The following ZC3H12C variants were observed in gnomAD, a reference collection of about 807,000 sequenced individuals.
ZC3H12C encodes zinc finger CCCH-type containing 12C, also known as probable ribonuclease ZC3H12C.
ZC3H12C carries 20 observed loss-of-function variants against 76.3 expected under a neutral mutation model. The observed-to-expected ratio is 0.26, with a 90% CI of 0.18 to 0.38. ZC3H12C has a LOEUF of 0.38. Ranked by LOEUF, ZC3H12C falls within the 10% of genes least tolerant of loss-of-function variation. The pLI is 1.00. For missense variants in ZC3H12C, 874 were observed against 1,086.5 expected, an observed-to-expected ratio of 0.80 and a Z score of 2.75; for synonymous variants, 352 against 399.6, an observed-to-expected ratio of 0.88 and a Z score of 1.42.
intron 1 of ZC3H12C, among the ~76,000 whole-genome samples, chr11:110,094,649 G>C (rs1289425304): frequency 6.6e-6 from 1 of 152,106 alleles, no homozygotes; most frequent in African/African-American, 2.4e-5. Context: ...TTAAGTTTAG[G>C]GTTCTCTGTG....
intron 1 of ZC3H12C, among the ~76,000 whole-genome samples, chr11:110,103,427 GAT>G: frequency 6.6e-6 from 1 of 152,206 alleles, no homozygotes; most frequent in African/African-American, 2.4e-5. Flanking sequence ...TATTATGAAA[GAT>G]AATAGTAGCT....
Position 110,169,056 on chromosome 11 carries a change from G to A in ZC3H12C, c.*3319G>A, listed in dbSNP as rs1376559027. The A allele has an allele frequency of 6.6e-6, 1 of 152,108 alleles. No homozygotes were observed. The highest frequency in any genetic ancestry group is 2.4e-5 in the African/African-American group (1 of 41,432). 9.4% of individuals were successfully genotyped at this position (152,108 alleles called of 1,614,324 possible). A position where few individuals can be genotyped will look rare whatever the true frequency, so the allele number is the denominator to read the frequency against. On this transcript the variant is annotated 3_prime_UTR_variant, in exon 6 of 6. Coordinates refer to ENST00000278590, the MANE Select transcript of ZC3H12C (RefSeq NM_033390.2). ...CTTTGAGTTGTGAACGACCGAGTCTGGGGTCTGGACGGCCAATGATAAGAT... is the reference window on the plus strand; with the variant it reads ...CTTTGAGTTGTGAACGACCGAGTCTAGGGTCTGGACGGCCAATGATAAGAT...
At chr11:110,121,022 A>C (rs184969984) in intron 1 of ZC3H12C, among the ~76,000 whole-genome samples, 51 of 152,306 alleles carry the variant, frequency 3.3e-4, no homozygotes, top group African/African-American at 1.2e-3. Context: ...TACACATTAG[A>C]ATCACTTGGG....
chr11:110,140,027 C>A (rs953630077), intron 2 of ZC3H12C, among the ~76,000 whole-genome samples: 3 of 152,076 alleles, frequency 2.0e-5, no homozygotes, highest in Non-Finnish European at 4.4e-5. Context: ...TAAGGCCGGG[C>A]ACAGTGGCTC....
At chr11:110,143,713 G>A (rs554718189) in intron 2 of ZC3H12C, among the ~76,000 whole-genome samples, 3 of 151,968 alleles carry the variant, frequency 2.0e-5, no homozygotes, top group Non-Finnish European at 4.4e-5. Context: ...GTATAAAGAC[G>A]GGGTCTTGCT....
At chr11:110,156,596 A>T (rs190595987) in intron 3 of ZC3H12C, among the ~76,000 whole-genome samples, 1 of 152,366 alleles carries the variant, frequency 6.6e-6, no homozygotes, top group East Asian at 1.9e-4. Flanking sequence ...AGATGAGTAG[A>T]CATCCTCACA....
intron 2 of ZC3H12C, among the ~76,000 whole-genome samples, chr11:110,149,518 C>T (rs1380591595): frequency 2.0e-5 from 3 of 152,184 alleles, no homozygotes; most frequent in Admixed American, 2.0e-4. Context: ...TACACTCCCA[C>T]CTGTGATGTA....
At chr11:110,126,157 A>G (rs1047826155) in intron 1 of ZC3H12C, among the ~76,000 whole-genome samples, 7 of 151,986 alleles carry the variant, frequency 4.6e-5, no homozygotes, top group African/African-American at 1.7e-4. Context: ...ACAAAAAAAC[A>G]TGAGTTCTGA....
At chr11:110,104,120 G>T (rs1253472090) in intron 1 of ZC3H12C, among the ~76,000 whole-genome samples, 1 of 151,410 alleles carries the variant, frequency 6.6e-6, no homozygotes, top group African/African-American at 2.4e-5. Flanking sequence ...TGCAACATCT[G>T]CCTCCCGGGG....
At chr11:110,116,722 A>C (rs1861532704) in intron 1 of ZC3H12C, among the ~76,000 whole-genome samples, 2 of 152,212 alleles carry the variant, frequency 1.3e-5, no homozygotes, top group South Asian at 2.1e-4. Context: ...CACTGTTATA[A>C]GTTATTATGT....
intron 1 of ZC3H12C, among the ~76,000 whole-genome samples, chr11:110,135,490 CAAAAAAAAA>C (rs60107794): frequency 5.9e-4 from 56 of 95,314 alleles, no homozygotes; most frequent in Non-Finnish European, 8.6e-4. Flanking sequence ...ACTCCCGTCT[CAAAAAAAAA>C]AAAAAAAAAA....
chr11:110,155,853 G>A (rs1305228919), intron 3 of ZC3H12C, among the ~76,000 whole-genome samples: 2 of 151,974 alleles, frequency 1.3e-5, no homozygotes, highest in Non-Finnish European at 2.9e-5. Flanking sequence ...CTTAGTACTC[G>A]TCCTTACCTT....
intron 1 of ZC3H12C, among the ~76,000 whole-genome samples, chr11:110,097,662 T>C (rs1697177054): frequency 2.0e-5 from 3 of 152,198 alleles, no homozygotes; most frequent in Admixed American, 2.0e-4. Flanking sequence ...TTACCCGAGT[T>C]CCCACAATTA....
intron 1 of ZC3H12C, among the ~76,000 whole-genome samples, chr11:110,104,699 ATT>A (rs1861287738): frequency 6.6e-6 from 1 of 152,174 alleles, no homozygotes; most frequent in Non-Finnish European, 1.5e-5. Flanking sequence ...GAGAATCTCA[ATT>A]TATCTTTGAT....
intron 1 of ZC3H12C, among the ~76,000 whole-genome samples, chr11:110,094,868 T>G (rs965803048): frequency 6.6e-6 from 1 of 152,202 alleles, no homozygotes; most frequent in Non-Finnish European, 1.5e-5. Context: ...TTCAAAATGT[T>G]TTAATATTTT....
At position 110,105,991 on chromosome 11, in the gene ZC3H12C, G is replaced by A. The variant is rs200089105; in HGVS notation, c.21+12559G>A. Among the ~76,000 whole-genome samples, 2 of 14,076 alleles carry A rather than the reference G, an allele frequency of 1.4e-4. 1 individual carries two copies. Among genetic ancestry groups the A allele is most frequent in the African/African-American group, 6.5e-4 (2 of 3,086 alleles). The allele number at this position is 14,076 out of a possible 152,430, so 9.2% of individuals were successfully genotyped here. A position where few individuals can be genotyped will look rare whatever the true frequency, so the allele number is the denominator to read the frequency against. Reference sequence around the variant, plus strand: ...GCCATCTAGAAAAGTTATACCAGCCGGGCGCGGTGGCTCACGCCTGTAATC... The same window carrying A: ...GCCATCTAGAAAAGTTATACCAGCCAGGCGCGGTGGCTCACGCCTGTAATC... On this transcript the variant is annotated intron_variant, in intron 1 of 5. Transcript: ENST00000278590.
At chr11:110,118,782 G>A (rs1861605267) in intron 1 of ZC3H12C, among the ~76,000 whole-genome samples, 1 of 152,128 alleles carries the variant, frequency 6.6e-6, no homozygotes, top group African/African-American at 2.4e-5. Flanking sequence ...GGGTGGCAAA[G>A]TGAGACCCTG....
chr11:110,136,528 T>G (rs1591475294), intron 1 of ZC3H12C, 135 bp from the exon 2 acceptor site: 1 of 917,028 alleles, frequency 1.1e-6, no homozygotes, highest in African/African-American at 1.7e-5. Flanking sequence ...TTGGCAAGGG[T>G]GTTAGGAGGG....
chr11:110,130,040 T>TTG (rs1565257487), intron 1 of ZC3H12C, among the ~76,000 whole-genome samples: 1 of 152,196 alleles, frequency 6.6e-6, no homozygotes, highest in Non-Finnish European at 1.5e-5. Context: ...GAAATTTGAG[T>TTG]ATTACATCTT....
Sources: allele counts gnomAD v4.1 joint callset (sites outside exome capture counted in the v4.1 genomes callset), GRCh38; gene constraint gnomAD v4.1.1; transcripts MANE v1.5; gene names NCBI Gene and HGNC (gene_info 2026-07-23, HGNC 2026-07-21).